FAM184A: variants seen among roughly 807,000 people sequenced by gnomAD.
FAM184A encodes protein FAM184A.
Under a neutral mutation model 143.8 loss-of-function variants are expected in FAM184A, and 99 were observed. The observed-to-expected ratio is 0.69, with a 90% confidence interval of 0.58 to 0.81. The LOEUF (loss-of-function observed/expected upper bound fraction) is 0.81. Ranked by LOEUF, FAM184A falls within the 40% of genes least tolerant of loss-of-function variation. The pLI, the probability that FAM184A is intolerant of heterozygous loss-of-function variation, is 0.00. For missense variants in FAM184A, 1,217 were observed against 1,310.5 expected (o/e 0.93, Z 1.10); for synonymous variants, 427 against 446.4 (o/e 0.96, Z 0.55).
At chr6:119,098,910 G>A (rs1788574912) in intron 1 of FAM184A, among the ~76,000 whole-genome samples, 2 of 152,166 alleles carry the variant, frequency 1.3e-5, no homozygotes, top group Admixed American at 1.3e-4. Flanking sequence ...AAGAGTGGGA[G>A]ACCGGCCTGA....
chr6:119,132,024 T>C (rs1384427271), intron 1 of FAM184A, among the ~76,000 whole-genome samples: 1 of 152,226 alleles, frequency 6.6e-6, no homozygotes, highest in Non-Finnish European at 1.5e-5. Context: ...TGTAAATGAA[T>C]AAAATTCCAT....
chr6:118,974,665 G>A, intron 13 of FAM184A, 91 bp from the exon 14 acceptor site: 2 of 1,102,020 alleles, frequency 1.8e-6, no homozygotes, highest in Non-Finnish European at 2.5e-6. Context: ...AATGGTTTTT[G>A]GTATAATATA....
chr6:118,965,674 G>A (rs529223894), intron 15 of FAM184A, among the ~76,000 whole-genome samples: 3 of 152,202 alleles, frequency 2.0e-5, no homozygotes, highest in South Asian at 2.1e-4. Flanking sequence ...CACAGTCCAC[G>A]GAATCAGGCT....
intron 1 of FAM184A, among the ~76,000 whole-genome samples, chr6:119,113,927 G>A (rs918424600): frequency 5.9e-5 from 9 of 152,136 alleles, no homozygotes; most frequent in African/African-American, 2.2e-4. Flanking sequence ...GAGTGACAGA[G>A]AAACTATGTC....
intron 17 of FAM184A, among the ~76,000 whole-genome samples, chr6:118,961,157 A>C (rs1783311283): frequency 6.6e-6 from 1 of 152,112 alleles, no homozygotes; most frequent in South Asian, 2.1e-4. Flanking sequence ...TAAATTTCTA[A>C]TGAAATTTGC....
chr6:118,965,203 TTG>T, intron 15 of FAM184A, among the ~76,000 whole-genome samples: 2 of 39,614 alleles, frequency 5.0e-5, no homozygotes, highest in Non-Finnish European at 9.9e-5. Context: ...TTTTTTTTGT[TTG>T]TTTTTTTTTT....
chr6:119,015,056 T>C (rs1260041444), intron 5 of FAM184A, among the ~76,000 whole-genome samples: 2 of 148,600 alleles, frequency 1.3e-5, no homozygotes, highest in East Asian at 3.9e-4. Context: ...AGAGCGAGAC[T>C]CTGTCTCAAA....
intron 1 of FAM184A, among the ~76,000 whole-genome samples, chr6:119,102,989 C>T (rs1788685113): frequency 6.6e-6 from 1 of 152,048 alleles, no homozygotes; most frequent in African/African-American, 2.4e-5. Context: ...CTCAGATATT[C>T]ATCTGTTCTT....
intron 3 of FAM184A, among the ~76,000 whole-genome samples, chr6:119,022,722 A>G (rs2114686937): frequency 6.6e-6 from 1 of 152,084 alleles, no homozygotes; most frequent in South Asian, 2.1e-4. Context: ...TAAAAATACA[A>G]AAAAATTAGC....
chr6:118,974,223 T>G lies in FAM184A; in HGVS notation c.2915+205A>C, dbSNP rs564345142. Among the ~76,000 whole-genome samples the G allele has an allele frequency of 2.6e-5, 4 of 152,274 alleles. No homozygotes were observed. In the East Asian group the frequency reaches 7.7e-4, roughly 29 times the overall value. On this transcript the variant is annotated intron_variant, in intron 14 of 17. Transcript: ENST00000338891. ...CTGTTCTAGCAGAACTGGTGCAGTC[T>G]TAGTTGATAAAACATCATCATTCAA...
At chr6:119,090,282 C>T (rs1031627006) in intron 1 of FAM184A, among the ~76,000 whole-genome samples, 4 of 152,196 alleles carry the variant, frequency 2.6e-5, no homozygotes, top group Admixed American at 1.3e-4. Context: ...CTAGCAAAGA[C>T]GAAAGGCTAA....
chr6:119,057,478 C>A (rs1360530113), intron 1 of FAM184A, among the ~76,000 whole-genome samples: 9 of 152,202 alleles, frequency 5.9e-5, no homozygotes, highest in African/African-American at 1.7e-4. Context: ...GTGGCTCATG[C>A]TTGTAATCCC....
At chr6:119,065,774 CCTAT>C (rs1440373567) in intron 1 of FAM184A, among the ~76,000 whole-genome samples, 3 of 152,216 alleles carry the variant, frequency 2.0e-5, no homozygotes, top group Non-Finnish European at 4.4e-5. Flanking sequence ...TCTCAAATCT[CCTAT>C]CTCTCTACCA....
intron 1 of FAM184A, among the ~76,000 whole-genome samples, chr6:119,115,908 G>T (rs930206097): frequency 1.3e-5 from 2 of 151,808 alleles, no homozygotes; most frequent in African/African-American, 4.8e-5. Flanking sequence ...GGTGGAGGTT[G>T]CAGTGAGCTG....
chr6:119,081,791 C>A (rs1228836748), upstream of FAM184A, among the ~76,000 whole-genome samples: 1 of 152,194 alleles, frequency 6.6e-6, no homozygotes, highest in African/African-American at 2.4e-5. Context: ...CAGTCGACGG[C>A]CTGCTGGCAT....
Position 119,024,224 on chromosome 6 carries a change from C to T in FAM184A, c.749G>A (p.Gly250Asp). 2.5e-6 allele frequency: 4 copies of T among 1,614,160 alleles called. No homozygotes were observed. Among genetic ancestry groups the T allele is most frequent in the Non-Finnish European group, 2.5e-6 (3 of 1,180,028 alleles). ...ERKKLIEDYE[G>D]KLNKAQSFYE... Reference sequence around the variant, plus strand: ...AAAGGACTGAGCTTTATTCAACTTGCCTTCATAATCCTCAATTAGTTTCTT... The same window carrying T: ...AAAGGACTGAGCTTTATTCAACTTGTCTTCATAATCCTCAATTAGTTTCTT... Residue 250 changes from glycine (G) to aspartate (D), a missense_variant, in exon 2 of 18, where the codon GGC becomes GAC. Gly to Asp is a moderately conservative substitution (Grantham distance 94, BLOSUM62 -1). Coordinates refer to ENST00000338891, the MANE Select transcript of FAM184A (RefSeq NM_024581.6).
intron 1 of FAM184A, among the ~76,000 whole-genome samples, chr6:119,114,217 C>A (rs1269497609): frequency 6.6e-6 from 1 of 152,162 alleles, no homozygotes; most frequent in Admixed American, 6.5e-5. Flanking sequence ...CCTTCCAGGG[C>A]AGTGTTTCTC....
intron 1 of FAM184A, among the ~76,000 whole-genome samples, chr6:119,098,501 CA>C (rs1303119683): frequency 2.6e-5 from 4 of 152,100 alleles, no homozygotes; most frequent in African/African-American, 9.7e-5. Flanking sequence ...AAATTACAGG[CA>C]AAATCATAAA....
intron 1 of FAM184A, among the ~76,000 whole-genome samples, chr6:119,027,540 A>T (rs1785680171): frequency 6.6e-6 from 1 of 152,146 alleles, no homozygotes; most frequent in Non-Finnish European, 1.5e-5. Context: ...CAAACCCCCA[A>T]ACATGGAAAT....
Sources: gnomAD v4.1 joint callset for allele counts (sites outside exome capture counted in the v4.1 genomes callset) on GRCh38, gnomAD v4.1.1 for gene constraint, MANE v1.5 for transcripts, NCBI Gene and HGNC (gene_info 2026-07-23, HGNC 2026-07-21) for gene names.